The following SEPTIN9 variants were observed in gnomAD, a reference collection of about 807,000 sequenced individuals.
SEPTIN9 encodes septin 9, also known as septin-9.
In SEPTIN9, 13 loss-of-function variants were observed where a neutral mutation model predicts 56.6. That is an observed-to-expected ratio of 0.23 (90% CI 0.15 to 0.37). The LOEUF is 0.37. Ranked by LOEUF, SEPTIN9 falls within the 10% of genes least tolerant of loss-of-function variation. The probability of loss-of-function intolerance (pLI) is 1.00; values close to 1 mark genes in which losing one functional copy is unlikely to be tolerated. For missense variants in SEPTIN9, 650 were observed against 823.1 expected, an observed-to-expected ratio of 0.79 and a Z score of 2.57; for synonymous variants, 332 against 334.1, an observed-to-expected ratio of 0.99 and a Z score of 0.07.
intron 3 of SEPTIN9, among the ~76,000 whole-genome samples, chr17:77,468,654 G>A (rs2038851696): frequency 2.0e-5 from 3 of 152,204 alleles, no homozygotes; most frequent in South Asian, 4.1e-4. Context: ...CACACAGCAC[G>A]TCGGTGGTAG....
rs552753683 is a variant in SEPTIN9 at position 77,480,019 on chromosome 17, G to GGGAGCA, written c.722-2112_722-2107dup. Among the ~76,000 whole-genome samples the GGGAGCA allele has an allele frequency of 6.6e-5, 10 of 152,300 alleles. No homozygotes were observed. The East Asian group carries it at 1.2e-3, about 18-fold the overall frequency. On this transcript the variant is annotated intron_variant, in intron 3 of 11. Coordinates refer to ENST00000427177, the MANE Select transcript of SEPTIN9 (RefSeq NM_001113491.2). ...GCCCAGGGGAGAGTATTTCTGAAGG[G>GGGAGCA]GGAGCAGGAGCAGGAGCAAAGCCCT...
intron 4 of SEPTIN9, among the ~76,000 whole-genome samples, chr17:77,484,832 ATGGTGGTTGTGATGGTGGTGATGTGGG>A (rs1234308689): frequency 3.4e-5 from 1 of 29,176 alleles, no homozygotes. Flanking sequence ...GGTGGTGGCG[ATGGTGGTTGTGATGGTGGTGATGTGGG>A]TGGTGGTGAT....
At chr17:77,455,376 G>T (rs939254457) in intron 3 of SEPTIN9, among the ~76,000 whole-genome samples, 2 of 152,192 alleles carry the variant, frequency 1.3e-5, no homozygotes, top group Non-Finnish European at 1.5e-5. Flanking sequence ...TCTCAGGCCT[G>T]TGCCCCCGGC....
rs529971530 is a variant in SEPTIN9 at position 77,313,216 on chromosome 17, G to A, written c.76+6019G>A. Among the ~76,000 whole-genome samples, 20 of 152,352 alleles carry A rather than the reference G, an allele frequency of 1.3e-4. No individual in the cohort carries two copies. The highest frequency in any genetic ancestry group is 1.2e-3 in the East Asian group (6 of 5,184). ...TCCCTCGCTCTGCAGGGGCAGTCGG[G>A]GGCCCCCTCTAGGAATGGAGCGCCA... is the stretch of plus-strand genomic sequence containing the variant. On this transcript the variant is annotated intron_variant, in intron 2 of 11. Transcript: ENST00000427177. This position sits in a 1 kb window ranked among gnomAD's most constrained non-coding sequence, Gnocchi z 4.5.
chr17:77,342,360 C>T (rs2033761207), intron 2 of SEPTIN9, among the ~76,000 whole-genome samples: 1 of 152,214 alleles, frequency 6.6e-6, no homozygotes, highest in Non-Finnish European at 1.5e-5. Flanking sequence ...AAGGAAAACA[C>T]TTCATTCCTT....
chr17:77,396,277 A>G (rs1039402847), intron 2 of SEPTIN9, among the ~76,000 whole-genome samples: 1 of 152,188 alleles, frequency 6.6e-6, no homozygotes, highest in Non-Finnish European at 1.5e-5. Context: ...TGTGTCCTTC[A>G]GTTGCATTAA....
chr17:77,301,893 G>A (rs1004484830), intron 1 of SEPTIN9, among the ~76,000 whole-genome samples: 19 of 152,168 alleles, frequency 1.2e-4, no homozygotes, highest in Non-Finnish European at 1.8e-4. Flanking sequence ...CAGGGGTGTG[G>A]CGGTGTCACC....
Position 77,499,885 on chromosome 17 carries a change from A to G in SEPTIN9, c.*1227A>G, listed in dbSNP as rs986435048. On this transcript the variant is annotated 3_prime_UTR_variant, in exon 12 of 12. Transcript: ENST00000427177. Reference sequence around the variant, plus strand: ...CCATGGTAACGAACCCCTAGAAAGGAGAGAACGGGCGTCAGGGGTGCACAG... The same window carrying G: ...CCATGGTAACGAACCCCTAGAAAGGGGAGAACGGGCGTCAGGGGTGCACAG... The G allele has an allele frequency of 7.0e-6, 2 of 283,900 alleles. No individual in the cohort carries two copies. Among genetic ancestry groups the G allele is most frequent in the Non-Finnish European group, 1.3e-5 (2 of 148,348 alleles). 17.6% of individuals were successfully genotyped at this position (283,900 alleles called of 1,614,324 possible).
intron 3 of SEPTIN9, chr17:77,419,860 A>G (rs915961206): frequency 5.3e-5 from 8 of 152,324 alleles, no homozygotes; most frequent in African/African-American, 1.4e-4. Flanking sequence ...AGGAGGCTGC[A>G]TCCCCCAAGG....
chr17:77,304,925 T>TA (rs1477733078), intron 1 of SEPTIN9, among the ~76,000 whole-genome samples: 1 of 152,112 alleles, frequency 6.6e-6, no homozygotes, highest in Admixed American at 6.5e-5. Context: ...AGGCTCACTG[T>TA]ATGCCACTCA....
chr17:77,363,088 C>T (rs528649658), intron 2 of SEPTIN9, among the ~76,000 whole-genome samples: 22 of 152,184 alleles, frequency 1.4e-4, no homozygotes, highest in Non-Finnish European at 3.1e-4. Context: ...TTGCTGAGCT[C>T]CACTCTGTAT....
At chr17:77,362,026 G>A (rs1216503881) in intron 2 of SEPTIN9, among the ~76,000 whole-genome samples, 2 of 152,218 alleles carry the variant, frequency 1.3e-5, no homozygotes, top group Admixed American at 6.5e-5. Flanking sequence ...CCTACCCTCA[G>A]TGTTGGGGGA....
chr17:77,494,676 C>T (rs144091236), intron 10 of SEPTIN9, among the ~76,000 whole-genome samples: 2,015 of 152,338 alleles, frequency 0.013, 17 homozygotes, highest in Non-Finnish European at 0.021. Context: ...CGAAGCTCCC[C>T]GCACCCACCC....
chr17:77,342,785 CA>C (rs1430521053), intron 2 of SEPTIN9, among the ~76,000 whole-genome samples: 1 of 151,990 alleles, frequency 6.6e-6, no homozygotes, highest in Non-Finnish European at 1.5e-5. Flanking sequence ...CCAGCCTGGG[CA>C]ACATGGTGAA....
rs1226154078 is a variant in SEPTIN9 at position 77,329,829 on chromosome 17, C to T, written c.76+22632C>T. On this transcript the variant is annotated intron_variant, in intron 2 of 11. Transcript: ENST00000427177. This position sits in a 1 kb window ranked among gnomAD's most constrained non-coding sequence, Gnocchi z 4.3. ...TCTTGGAGCTGGGGTGAGGCAGAAC[C>T]TCCCTCCCATATTTACAGCACCAGC... Among the ~76,000 whole-genome samples the T allele has an allele frequency of 1.3e-5, 2 of 152,206 alleles. No individual in the cohort carries two copies. The highest frequency in any genetic ancestry group is 3.9e-4 in the East Asian group (2 of 5,192).
chr17:77,422,353 G>A (rs1395893015), intron 3 of SEPTIN9, among the ~76,000 whole-genome samples: 1 of 152,250 alleles, frequency 6.6e-6, no homozygotes. Context: ...GGGGCCAGGC[G>A]GGGCGGCCAG....
rs2039225559 is a variant in SEPTIN9, at chr17:77,476,640, T to TTC, written c.722-5504_722-5503insTC. Among the ~76,000 whole-genome samples the TTC allele has an allele frequency of 6.6e-6, 1 of 152,242 alleles. No homozygotes were observed. Among genetic ancestry groups the TTC allele is most frequent in the Non-Finnish European group, 1.5e-5 (1 of 68,038 alleles). ...AGTCCCCATCACGGGACCGGTGACC[T>TTC]ACTGCCACCAGCGCCAGTGAATGGC... On this transcript the variant is annotated intron_variant, in intron 3 of 11. Transcript: ENST00000427177. The surrounding 1 kb of genome is among the most constrained non-coding windows in gnomAD (Gnocchi z 6.0).
chr17:77,397,437 A>G (rs947331950), intron 2 of SEPTIN9, among the ~76,000 whole-genome samples: 1 of 152,128 alleles, frequency 6.6e-6, no homozygotes, highest in Non-Finnish European at 1.5e-5. Flanking sequence ...CGGGATCCCT[A>G]ATCACATCTG....
intron 3 of SEPTIN9, among the ~76,000 whole-genome samples, chr17:77,443,649 T>C (rs546839882): frequency 1.3e-5 from 2 of 151,660 alleles, no homozygotes; most frequent in Non-Finnish European, 2.9e-5. Flanking sequence ...AAAAAAAAAT[T>C]AGCTTGGCGT....
Sources: allele counts gnomAD v4.1 joint callset (sites outside exome capture counted in the v4.1 genomes callset), GRCh38; gene constraint gnomAD v4.1.1; non-coding constraint Gnocchi (gnomAD v3.1); transcripts MANE v1.5; gene names NCBI Gene and HGNC (gene_info 2026-07-23, HGNC 2026-07-21).